L3MBTL3: variants seen among roughly 807,000 people sequenced by gnomAD.
The protein encoded by L3MBTL3 is L3MBTL histone methyl-lysine binding protein 3, also known as lethal(3)malignant brain tumor-like protein 3.
L3MBTL3 carries 27 observed loss-of-function variants against 102.3 expected under a neutral mutation model. The ratio of observed to expected loss-of-function variants is 0.26; its 90% CI spans 0.19 to 0.36. The LOEUF is 0.36. Ranked by LOEUF, L3MBTL3 falls within the 10% of genes least tolerant of loss-of-function variation. L3MBTL3 has a pLI of 1.00. For missense variants in L3MBTL3, 798 were observed against 955.3 expected, an observed-to-expected ratio of 0.84 and a Z score of 2.17; for synonymous variants, 340 against 320.9, an observed-to-expected ratio of 1.06 and a Z score of -0.64.
intron 2 of L3MBTL3, among the ~76,000 whole-genome samples, chr6:130,034,390 A>G (rs1236695734): frequency 1.3e-5 from 2 of 152,198 alleles, no homozygotes; most frequent in Non-Finnish European, 2.9e-5. Context: ...ACCCCTATCT[A>G]CTTATCTCAC....
chr6:130,055,510 G>GCCTCTCTC (rs1562270755), intron 8 of L3MBTL3, among the ~76,000 whole-genome samples: 1 of 14,980 alleles, frequency 6.7e-5, no homozygotes, highest in African/African-American at 1.5e-4. Context: ...CTCTCTCCCT[G>GCCTCTCTC]CCTCTCTCCC....
intron 18 of L3MBTL3, among the ~76,000 whole-genome samples, chr6:130,096,217 C>T (rs1784357630): frequency 6.6e-6 from 1 of 152,132 alleles, no homozygotes; most frequent in South Asian, 2.1e-4. Context: ...GACCACTCCC[C>T]TCTAATGGCC....
At chr6:130,057,993 A>C (rs537282694) in intron 9 of L3MBTL3, among the ~76,000 whole-genome samples, 1 of 151,600 alleles carries the variant, frequency 6.6e-6, no homozygotes, top group South Asian at 2.1e-4. Context: ...AATACAAAAA[A>C]TTAGCCGGGC....
In L3MBTL3 at chr6:130,139,623, A is replaced by C; in HGVS notation, c.2213A>C (p.Glu738Ala). The C allele has an allele frequency of 6.2e-7, 1 of 1,612,878 alleles. No homozygotes were observed. ...CCCCCATTTTAGCAAATTGATGGAG[A>C]AGCATTTCTACTTATGACTCAAACA... ...KVFKDEQIDG[E>A]AFLLMTQTDI... Residue 738 changes from glutamate (E) to alanine (A), a missense_variant, in exon 23 of 23, where the codon GAA becomes GCA. Coordinates refer to ENST00000361794, the MANE Select transcript of L3MBTL3 (RefSeq NM_032438.4).
At chr6:130,102,259 C>T (rs1307411668) in intron 18 of L3MBTL3, among the ~76,000 whole-genome samples, 2 of 152,090 alleles carry the variant, frequency 1.3e-5, no homozygotes, top group African/African-American at 4.8e-5. Flanking sequence ...CATTTTTGCC[C>T]CATCTCAACC....
chr6:130,040,378 G>A (rs2114669814), intron 2 of L3MBTL3, among the ~76,000 whole-genome samples: 1 of 151,800 alleles, frequency 6.6e-6, no homozygotes, highest in South Asian at 2.1e-4. Flanking sequence ...ACTTTAAATG[G>A]ATCATTTACC....
chr6:130,078,412 G>T, intron 13 of L3MBTL3, 146 bp from the exon 14 acceptor site: 1 of 535,282 alleles, frequency 1.9e-6, no homozygotes, highest in Non-Finnish European at 3.3e-6. Context: ...AAAGTTCTTT[G>T]GTTTAGCATT....
At chr6:130,026,335 C>T (rs554914381) in intron 2 of L3MBTL3, among the ~76,000 whole-genome samples, 137 of 152,142 alleles carry the variant, frequency 9.0e-4, no homozygotes, top group African/African-American at 3.0e-3. Context: ...AACTGGTGCT[C>T]AGAGTTACTT....
At chr6:130,087,894 C>G (rs1386978284) in intron 16 of L3MBTL3, among the ~76,000 whole-genome samples, 7 of 151,566 alleles carry the variant, frequency 4.6e-5, no homozygotes, top group African/African-American at 1.5e-4. Context: ...AGAATCATAC[C>G]AAAGTAATGA....
At chr6:130,121,033 C>A (rs1005392481) in intron 20 of L3MBTL3, 75 bp downstream of exon 20, 6 of 875,336 alleles carry the variant, frequency 6.9e-6, no homozygotes, top group Non-Finnish European at 1.1e-5. Flanking sequence ...AACTGGAATA[C>A]AACAGTCTCT....
intron 8 of L3MBTL3, among the ~76,000 whole-genome samples, chr6:130,055,643 C>T (rs1204678204): frequency 6.4e-5 from 5 of 78,246 alleles, no homozygotes; most frequent in Admixed American, 1.3e-4. Flanking sequence ...TCCCTCCCTC[C>T]CTCTCTCTCC....
At chr6:130,039,253 T>C (rs1780260216) in intron 2 of L3MBTL3, among the ~76,000 whole-genome samples, 1 of 152,130 alleles carries the variant, frequency 6.6e-6, no homozygotes, top group Admixed American at 6.6e-5. Flanking sequence ...TCCTTTCAAT[T>C]TGTACCTGTA....
intron 2 of L3MBTL3, among the ~76,000 whole-genome samples, chr6:130,036,570 A>C (rs1780078329): frequency 1.3e-5 from 2 of 152,234 alleles, no homozygotes; most frequent in East Asian, 3.8e-4. Flanking sequence ...GGTTATATAC[A>C]GTACTAGCTT....
chr6:130,034,188 G>A (rs776460232), intron 2 of L3MBTL3, among the ~76,000 whole-genome samples: 9 of 152,286 alleles, frequency 5.9e-5, no homozygotes, highest in Admixed American at 3.3e-4. Context: ...GAAGTTGTAG[G>A]AAGGAAAGAT....
intron 18 of L3MBTL3, among the ~76,000 whole-genome samples, chr6:130,098,063 A>G (rs1784461666): frequency 6.6e-6 from 1 of 151,994 alleles, no homozygotes; most frequent in African/African-American, 2.4e-5. Flanking sequence ...GCGAAACTCC[A>G]TCTCAAAAAA....
intron 15 of L3MBTL3, among the ~76,000 whole-genome samples, 162 bp from the exon 16 acceptor site, chr6:130,085,978 C>T (rs1783657745): frequency 6.6e-6 from 1 of 150,930 alleles, no homozygotes; most frequent in Non-Finnish European, 1.5e-5. Context: ...GTCTCAAACT[C>T]CTGGCCTCAA....
intron 7 of L3MBTL3, chr6:130,054,943 G>T: frequency 2.1e-6 from 1 of 471,098 alleles, no homozygotes; most frequent in Non-Finnish European, 3.9e-6. Context: ...GCGGGGAGCG[G>T]TGTCCATGCC....
intron 22 of L3MBTL3, chr6:130,138,269 G>A (rs1787920702): frequency 6.6e-6 from 1 of 152,162 alleles, no homozygotes. Context: ...ACAAACGGGT[G>A]GCTTAAATGG....
chr6:130,112,247 C>T (rs1785397765), intron 19 of L3MBTL3, among the ~76,000 whole-genome samples: 1 of 152,182 alleles, frequency 6.6e-6, no homozygotes, highest in Admixed American at 6.5e-5. Flanking sequence ...CATGTCTTTT[C>T]TTACTCTCCG....
Sources: allele counts gnomAD v4.1 joint callset (sites outside exome capture counted in the v4.1 genomes callset), GRCh38; gene constraint gnomAD v4.1.1; transcripts MANE v1.5; gene names NCBI Gene and HGNC (gene_info 2026-07-23, HGNC 2026-07-21).